PAN3: variants seen among roughly 807,000 people sequenced by gnomAD.
PAN3 encodes the protein PAN2-PAN3 deadenylation complex subunit PAN3.
In PAN3, 19 loss-of-function variants were observed where a neutral mutation model predicts 96.2. The observed-to-expected ratio is 0.20, with a 90% CI of 0.14 to 0.29. The LOEUF is 0.29. Among genes scored for constraint, PAN3 ranks in the 10% least tolerant of loss-of-function variants. PAN3 has a pLI of 1.00. For missense variants in PAN3, 882 were observed against 1,108.1 expected, an observed-to-expected ratio of 0.80 and a Z score of 2.90; for synonymous variants, 433 against 406.6, an observed-to-expected ratio of 1.06 and a Z score of -0.78.
rs35542876 is a variant in PAN3, at chr13:28,280,555, AT to A, written c.2319+38del. 66,268 of 1,100,652 alleles carry A rather than the reference AT, an allele frequency of 0.06. 10 individuals carry two copies. The highest frequency in any genetic ancestry group is 0.13 in the East Asian group (3,955 of 30,176). 68.2% of individuals were successfully genotyped at this position (1,100,652 alleles called of 1,614,324 possible). ...GACCTTGCAAAGGTAAAGAGTGTAAATTTTTTTTTTTTTTTTTTTTTTTTGA... is the reference window on the plus strand; with the variant it reads ...GACCTTGCAAAGGTAAAGAGTGTAAATTTTTTTTTTTTTTTTTTTTTTTGA... On this transcript the variant is annotated intron_variant, in intron 16 of 18. Transcript: ENST00000380958.
At chr13:28,283,450 A>G (rs190663163) in intron 17 of PAN3, among the ~76,000 whole-genome samples, 272 of 152,322 alleles carry the variant, frequency 1.8e-3, no homozygotes, top group African/African-American at 6.2e-3. Context: ...TCTCTCTTTC[A>G]TACCTGACAT....
At chr13:28,288,468 CT>C (rs908709066) in intron 18 of PAN3, among the ~76,000 whole-genome samples, 9 of 151,840 alleles carry the variant, frequency 5.9e-5, no homozygotes, top group Non-Finnish European at 1.3e-4. Context: ...CGCAGCTAAT[CT>C]TTAGTAGCGA....
chr13:28,177,905 T>C lies in PAN3; in HGVS notation c.660T>C (p.Phe220=), dbSNP rs1207496877. The C allele has an allele frequency of 6.2e-7, 1 of 1,613,040 alleles. No homozygotes were observed. The highest frequency in any genetic ancestry group is 8.5e-7 in the Non-Finnish European group (1 of 1,179,214). Residue 220 remains phenylalanine (F), a synonymous_variant, in exon 4 of 19, where the codon TTT becomes TTC. Transcript: ENST00000380958. Reference sequence around the variant, plus strand: ...CTGCTTCATCCTTGTTTAATGACTTTGGTGCCCTCAACATCTCTCAGAGAC... The same window carrying C: ...CTGCTTCATCCTTGTTTAATGACTTCGGTGCCCTCAACATCTCTCAGAGAC... ...TSPASSLFND[F]GALNISQRRK...
chr13:28,278,002 G>A (rs928116131), intron 15 of PAN3, among the ~76,000 whole-genome samples: 4 of 152,282 alleles, frequency 2.6e-5, no homozygotes, highest in Non-Finnish European at 4.4e-5. Context: ...TGTCACAACA[G>A]AAGGACTTCT....
chr13:28,276,428 T>A (rs1887064222), intron 14 of PAN3, among the ~76,000 whole-genome samples: 1 of 152,150 alleles, frequency 6.6e-6, no homozygotes, highest in South Asian at 2.1e-4. Flanking sequence ...TTCCTACCAA[T>A]CAGGGCCACT....
chr13:28,172,480 T>G (rs547656803), intron 1 of PAN3, among the ~76,000 whole-genome samples: 73 of 152,266 alleles, frequency 4.8e-4, no homozygotes, highest in African/African-American at 1.6e-3. Context: ...TTAGTCTTTA[T>G]TATCATTTTC....
intron 9 of PAN3, among the ~76,000 whole-genome samples, chr13:28,263,513 T>G (rs983643459): frequency 1.3e-5 from 2 of 152,116 alleles, no homozygotes; most frequent in African/African-American, 4.8e-5. Flanking sequence ...TTGTATATTT[T>G]GTAGAGAGGG....
intron 1 of PAN3, among the ~76,000 whole-genome samples, chr13:28,148,273 G>A (rs1041255758): frequency 4.6e-5 from 7 of 151,758 alleles, no homozygotes; most frequent in African/African-American, 1.2e-4. Flanking sequence ...AAATTATAGC[G>A]TGTGTGTTTG....
intron 5 of PAN3, among the ~76,000 whole-genome samples, chr13:28,209,742 T>A (rs1879803059): frequency 6.6e-6 from 1 of 152,004 alleles, no homozygotes; most frequent in South Asian, 2.1e-4. Context: ...CTCCTCCCGT[T>A]TTTCTCCTTC....
intron 1 of PAN3, among the ~76,000 whole-genome samples, chr13:28,169,294 A>G (rs1210816387): frequency 1.5e-5 from 2 of 136,038 alleles, no homozygotes; most frequent in African/African-American, 2.9e-5. Context: ...CAGTGGCGCA[A>G]TCTTGGCTCA....
intron 5 of PAN3, among the ~76,000 whole-genome samples, chr13:28,198,079 C>T (rs180704058): frequency 6.1e-4 from 93 of 151,990 alleles, no homozygotes; most frequent in South Asian, 3.5e-3. Context: ...TTAAGACCAG[C>T]CTGGCCAACA....
At chr13:28,253,302 A>T (rs1394133574) in intron 6 of PAN3, among the ~76,000 whole-genome samples, 1 of 122,302 alleles carries the variant, frequency 8.2e-6, no homozygotes, top group Admixed American at 8.1e-5. Flanking sequence ...TGCTGTTTAT[A>T]ATTTAGTACT....
chr13:28,274,268 T>C (rs1428891959), intron 14 of PAN3, among the ~76,000 whole-genome samples: 3 of 152,168 alleles, frequency 2.0e-5, no homozygotes, highest in East Asian at 1.9e-4. Flanking sequence ...TTCATTCTTA[T>C]CTTCTCTCTT....
Position 28,138,647 on chromosome 13 carries a change from G to A in PAN3, c.-11G>A. On this transcript the variant is annotated 5_prime_UTR_variant, in exon 1 of 19. Coordinates refer to ENST00000380958, the MANE Select transcript of PAN3 (RefSeq NM_175854.8). ...TCGGGCGGCGGCGGAAGACGAGGCTGCGGCGTTGCCATGAACAGTGGCGGC... is the reference window on the plus strand; with the variant it reads ...TCGGGCGGCGGCGGAAGACGAGGCTACGGCGTTGCCATGAACAGTGGCGGC... 5.2e-6 allele frequency: 3 copies of A among 574,898 alleles called. No homozygotes were observed. Among genetic ancestry groups the A allele is most frequent in the Non-Finnish European group, 8.2e-6 (3 of 365,776 alleles). 35.6% of individuals were successfully genotyped at this position (574,898 alleles called of 1,614,324 possible). A position where few individuals can be genotyped will look rare whatever the true frequency, so the allele number is the denominator to read the frequency against.
intron 1 of PAN3, among the ~76,000 whole-genome samples, chr13:28,142,677 C>T (rs1187250964): frequency 1.3e-5 from 2 of 152,006 alleles, no homozygotes; most frequent in East Asian, 3.9e-4. Context: ...CCATATATAC[C>T]ATAATTTAGT....
chr13:28,173,687 C>T (rs977270525), intron 1 of PAN3, among the ~76,000 whole-genome samples: 2 of 152,122 alleles, frequency 1.3e-5, no homozygotes, highest in Admixed American at 1.3e-4. Context: ...TAAGCACTTA[C>T]TAGGAAGTAG....
chr13:28,278,590 A>G (rs1310456651), intron 15 of PAN3, among the ~76,000 whole-genome samples: 1 of 152,208 alleles, frequency 6.6e-6, no homozygotes, highest in African/African-American at 2.4e-5. Context: ...TGAATAAACA[A>G]AAAAGCCATA....
intron 1 of PAN3, among the ~76,000 whole-genome samples, chr13:28,157,975 G>A (rs542300230): frequency 3.9e-5 from 6 of 152,256 alleles, no homozygotes; most frequent in Non-Finnish European, 8.8e-5. Flanking sequence ...AATCAAAACA[G>A]CGTGGTACAG....
At chr13:28,173,851 G>A (rs1047895531) in intron 1 of PAN3, among the ~76,000 whole-genome samples, 2 of 152,152 alleles carry the variant, frequency 1.3e-5, no homozygotes, top group African/African-American at 4.8e-5. Context: ...TTGAGTTAGT[G>A]TGAGTCTGCT....
Sources: gnomAD v4.1 joint callset for allele counts (sites outside exome capture counted in the v4.1 genomes callset) on GRCh38, gnomAD v4.1.1 for gene constraint, MANE v1.5 for transcripts, NCBI Gene and HGNC (gene_info 2026-07-23, HGNC 2026-07-21) for gene names.